ANKRD44: variants seen among roughly 807,000 people sequenced by gnomAD.
The protein encoded by ANKRD44 is ankyrin repeat domain 44, also known as serine/threonine-protein phosphatase 6 regulatory ankyrin repeat subunit B.
ANKRD44 carries 35 observed loss-of-function variants against 116.0 expected under a neutral mutation model. That is an observed-to-expected ratio of 0.30 (90% CI 0.23 to 0.40). The LOEUF is 0.40. Among genes scored for constraint, ANKRD44 ranks in the 10% least tolerant of loss-of-function variants. The pLI is 1.00. For synonymous variants in ANKRD44, 435 were observed against 461.8 expected, an observed-to-expected ratio of 0.94 and a Z score of 0.74; for missense variants, 1,014 against 1,242.6, an observed-to-expected ratio of 0.82 and a Z score of 2.77.
At chr2:197,068,398 T>TAAAAAAAAAAAAAA (rs1447836305) in intron 16 of ANKRD44, among the ~76,000 whole-genome samples, 1 of 61,416 alleles carries the variant, frequency 1.6e-5, no homozygotes, top group Non-Finnish European at 4.1e-5. Flanking sequence ...AAAAAAAAAA[T>TAAAAAAAAAAAAAA]AAAAATAAAA....
intron 1 of ANKRD44, among the ~76,000 whole-genome samples, chr2:197,215,956 A>T (rs2081432954): frequency 6.6e-6 from 1 of 152,230 alleles, no homozygotes; most frequent in South Asian, 2.1e-4. Flanking sequence ...CTTGATTAAC[A>T]GCAGCATCTG....
At chr2:197,266,075 C>T (rs944820044) in intron 1 of ANKRD44, among the ~76,000 whole-genome samples, 5 of 152,076 alleles carry the variant, frequency 3.3e-5, no homozygotes, top group Non-Finnish European at 2.9e-5. Context: ...GAAAGCTGTA[C>T]ATGAAGGCGT....
intron 16 of ANKRD44, among the ~76,000 whole-genome samples, chr2:197,049,310 T>C (rs1457506402): frequency 6.6e-6 from 1 of 152,218 alleles, no homozygotes; most frequent in Non-Finnish European, 1.5e-5. Context: ...TTTATGGTTT[T>C]AGGAATAGAC....
At chr2:197,140,417 C>A (rs182058470) in intron 3 of ANKRD44, among the ~76,000 whole-genome samples, 176 of 152,238 alleles carry the variant, frequency 1.2e-3, no homozygotes, top group East Asian at 2.3e-3. Context: ...CTCCTGGGCT[C>A]AAGCAATCCT....
At chr2:197,153,927 A>G (rs2079731153) in intron 2 of ANKRD44, among the ~76,000 whole-genome samples, 11 of 152,166 alleles carry the variant, frequency 7.2e-5, no homozygotes. Flanking sequence ...TCTTCAAACC[A>G]CTATTAAAAA....
At chr2:197,065,572 AAG>A (rs1478269039) in intron 16 of ANKRD44, among the ~76,000 whole-genome samples, 10 of 152,202 alleles carry the variant, frequency 6.6e-5, no homozygotes, top group Non-Finnish European at 1.3e-4. Context: ...TAAAGAAGAA[AAG>A]AGAGAAGAAT....
Position 197,005,842 on chromosome 2 carries a change from A to G in ANKRD44, c.2199T>C (p.Asp733=), listed in dbSNP as rs1574259202. Residue 733 remains aspartate, a synonymous_variant, in exon 21 of 28, where the codon GAT becomes GAC. Coordinates refer to ENST00000282272, the MANE Select transcript of ANKRD44 (RefSeq NM_001195144.2). ...LEQEVSILCK[D]SRGRTPLHYA... ...AGTGCAAGGGCGTCCTCCCTCTGGA[A>G]TCTTTACAGAGAATTGACACTTCTT... is the stretch of plus-strand genomic sequence containing the variant. 1 of 1,614,278 alleles carries G rather than the reference A, an allele frequency of 6.2e-7. No homozygotes were observed. Among genetic ancestry groups the G allele is most frequent in the African/African-American group, 1.3e-5 (1 of 75,080 alleles).
intron 1 of ANKRD44, among the ~76,000 whole-genome samples, chr2:197,277,449 T>C (rs1415882608): frequency 6.6e-6 from 1 of 152,046 alleles, no homozygotes; most frequent in Non-Finnish European, 1.5e-5. Context: ...TGCATTCCAG[T>C]GAGGATCTGG....
chr2:197,153,225 C>CAAAAAAAAA (rs75600123), intron 2 of ANKRD44, among the ~76,000 whole-genome samples: 4 of 69,332 alleles, frequency 5.8e-5, no homozygotes, highest in Non-Finnish European at 7.5e-5. Context: ...AAGACCCTGC[C>CAAAAAAAAA]AAAAAAAAAA....
intron 1 of ANKRD44, among the ~76,000 whole-genome samples, chr2:197,232,078 T>C (rs1264953400): frequency 6.6e-6 from 1 of 152,186 alleles, no homozygotes; most frequent in South Asian, 2.1e-4. Flanking sequence ...CTATTCTGAA[T>C]GCCTAACAGA....
chr2:197,248,593 A>AT (rs2082248209), intron 1 of ANKRD44, among the ~76,000 whole-genome samples: 1 of 105,792 alleles, frequency 9.5e-6, no homozygotes, highest in African/African-American at 3.4e-5. Flanking sequence ...TATATATATA[A>AT]AGAGAGAGAT....
intron 1 of ANKRD44, among the ~76,000 whole-genome samples, chr2:197,280,544 G>T (rs2083234107): frequency 6.6e-6 from 1 of 152,200 alleles, no homozygotes; most frequent in South Asian, 2.1e-4. Flanking sequence ...TGACTCCGTG[G>T]TCTAAGATCT....
chr2:197,110,721 C>A (rs1448398991), intron 9 of ANKRD44, 45 bp downstream of exon 9: 1 of 1,550,938 alleles, frequency 6.4e-7, no homozygotes. Flanking sequence ...AAATTCACAA[C>A]AAGAAACTAT....
intron 16 of ANKRD44, among the ~76,000 whole-genome samples, chr2:197,051,826 T>C (rs1349840894): frequency 6.6e-6 from 1 of 152,150 alleles, no homozygotes; most frequent in African/African-American, 2.4e-5. Flanking sequence ...GGGTGCTGGT[T>C]GTTAGTAGCA....
chr2:197,077,808 AC>A (rs1253384891), intron 16 of ANKRD44: 1 of 152,066 alleles, frequency 6.6e-6, no homozygotes, highest in Non-Finnish European at 1.5e-5. Context: ...CCTCCTCCTA[AC>A]CGTTTTTGAA....
chr2:197,001,688 C>A (rs1418085268), intron 22 of ANKRD44, 65 bp downstream of exon 22: 8 of 1,277,580 alleles, frequency 6.3e-6, no homozygotes, highest in Non-Finnish European at 8.9e-6. Flanking sequence ...CCCTACAAAG[C>A]AACTTTTCTA....
intron 17 of ANKRD44, among the ~76,000 whole-genome samples, chr2:197,022,601 T>A (rs1375136529): frequency 6.6e-6 from 1 of 152,160 alleles, no homozygotes; most frequent in East Asian, 1.9e-4. Context: ...AGTTCATGAG[T>A]TCCCCCAGGG....
chr2:196,989,253 T>C lies in ANKRD44; in HGVS notation c.*338A>G, dbSNP rs2075876388. 6 of 983,820 alleles carry C rather than the reference T, an allele frequency of 6.1e-6. No homozygotes were observed. Among genetic ancestry groups the C allele is most frequent in the Non-Finnish European group, 7.2e-6 (6 of 830,450 alleles). The allele number at this position is 983,820 out of a possible 1,614,324, so 60.9% of individuals were successfully genotyped here. Reference sequence around the variant, plus strand: ...AATATAAACACATTTACAGCAAAAGTATATGGACATTTTCTCTAGTTTGGC... The same window carrying C: ...AATATAAACACATTTACAGCAAAAGCATATGGACATTTTCTCTAGTTTGGC... On this transcript the variant is annotated 3_prime_UTR_variant, in exon 28 of 28. Coordinates refer to ENST00000282272, the MANE Select transcript of ANKRD44 (RefSeq NM_001195144.2).
At chr2:197,167,399 C>CA (rs2080123352) in intron 2 of ANKRD44, among the ~76,000 whole-genome samples, 1 of 152,140 alleles carries the variant, frequency 6.6e-6, no homozygotes, top group Non-Finnish European at 1.5e-5. Context: ...ATCTGGCACA[C>CA]TTCCTAAGAT....
Sources: gnomAD v4.1 joint callset for allele counts (sites outside exome capture counted in the v4.1 genomes callset) on GRCh38, gnomAD v4.1.1 for gene constraint, MANE v1.5 for transcripts, NCBI Gene and HGNC (gene_info 2026-07-23, HGNC 2026-07-21) for gene names.